The following CDC16 variants were observed in gnomAD, a reference collection of about 807,000 sequenced individuals.
The protein encoded by CDC16 is cell division cycle protein 16 homolog.
A neutral mutation model predicts 87.0 loss-of-function variants in CDC16; 34 were observed. The ratio of observed to expected loss-of-function variants is 0.39; its 90% confidence interval spans 0.30 to 0.52. The LOEUF is 0.52. CDC16 is among the 20% of genes least tolerant of loss of function. CDC16 has a pLI of 0.74. For missense variants in CDC16, 653 were observed against 751.9 expected, an observed-to-expected ratio of 0.87 and a Z score of 1.54; for synonymous variants, 263 against 260.6, an observed-to-expected ratio of 1.01 and a Z score of -0.09.
chr13:114,272,435 A>G lies in CDC16; in HGVS notation c.1855A>G (p.Ser619Gly), dbSNP rs749662044. 6.2e-7 allele frequency: 1 copy of G among 1,613,728 alleles called. No homozygotes were observed. The highest frequency in any genetic ancestry group is 1.3e-5 in the African/African-American group (1 of 75,050). Residue 619 changes from serine (S) to glycine (G), a missense_variant, in exon 18 of 18, where the codon AGC becomes GGC. Transcript: ENST00000356221. ...GTTAGAGACATCTATGTCAGACCAC[A>G]GCACGTGACTCCAGTCAGTGGTCCT... ...MMLETSMSDH[S>G]T
intron 4 of CDC16, 78 bp from the exon 5 acceptor site, chr13:114,239,272 T>C: frequency 6.5e-7 from 1 of 1,534,622 alleles, no homozygotes; most frequent in South Asian, 1.3e-5. Context: ...ATAGTATATG[T>C]TATCCTTTAA....
At chr13:114,237,735 C>G (rs2081325328) in intron 3 of CDC16, among the ~76,000 whole-genome samples, 1 of 152,148 alleles carries the variant, frequency 6.6e-6, no homozygotes. Context: ...TCTTCCTCCC[C>G]ACTCGTACGT....
At chr13:114,259,420 A>T in intron 14 of CDC16, 22 bp downstream of exon 14, 1 of 1,398,530 alleles carries the variant, frequency 7.2e-7, no homozygotes, top group Non-Finnish European at 9.8e-7. Context: ...AGTACCTGTA[A>T]ATATACACAT....
At chr13:114,270,414 AC>A (rs1414427393) in intron 17 of CDC16, among the ~76,000 whole-genome samples, 1 of 152,172 alleles carries the variant, frequency 6.6e-6, no homozygotes, top group African/African-American at 2.4e-5. Flanking sequence ...ACCAGGCCCC[AC>A]CTCCAACATT....
intron 8 of CDC16, 76 bp from the exon 9 acceptor site, chr13:114,244,814 G>T: frequency 1.2e-6 from 1 of 838,160 alleles, no homozygotes. Context: ...CATAATGACT[G>T]TCTACACATA....
At chr13:114,253,404 G>A (rs2082306101) in intron 12 of CDC16, among the ~76,000 whole-genome samples, 1 of 151,762 alleles carries the variant, frequency 6.6e-6, no homozygotes, top group Middle Eastern at 3.4e-3. Context: ...ATTTATTGAG[G>A]CTGGCCGGGC....
chr13:114,237,308 TG>T (rs1478036655), intron 3 of CDC16, among the ~76,000 whole-genome samples: 2 of 152,192 alleles, frequency 1.3e-5, no homozygotes, highest in Non-Finnish European at 2.9e-5. Flanking sequence ...TCTTTGTTTT[TG>T]TTTTTTTGAG....
chr13:114,259,246 A>C lies in CDC16; in HGVS notation c.1251-89A>C, dbSNP rs904062727. The C allele has an allele frequency of 3.1e-5, 23 of 736,602 alleles. 1 individual carries two copies. Among genetic ancestry groups the C allele is most frequent in the South Asian group, 1.6e-4 (9 of 56,076 alleles). 45.6% of individuals were successfully genotyped at this position (736,602 alleles called of 1,614,324 possible). A position where few individuals can be genotyped will look rare whatever the true frequency, so the allele number is the denominator to read the frequency against. Reference sequence around the variant, plus strand: ...CCAGCAGTTTACCCCATTGCATTTTAGTACTACTAGAAAGGTAATCAAAAA... The same window carrying C: ...CCAGCAGTTTACCCCATTGCATTTTCGTACTACTAGAAAGGTAATCAAAAA... On this transcript the variant is annotated intron_variant, in intron 13 of 17. Coordinates refer to ENST00000356221, the MANE Select transcript of CDC16 (RefSeq NM_001078645.3).
At position 114,235,124 on chromosome 13, in the gene CDC16, C is replaced by G. The variant is rs1207363594; in HGVS notation, c.40C>G (p.Leu14Val). ...GCTGCGGAAGCGCGTCCGGCAGTAC[C>G]TCGACCAGGTGGGCGGCCCCGACTC... ...ERLRKRVRQY[L>V]DQQQYQSALF... The change falls in exon 1 of 18, where the codon CTC becomes GTC. Residue 14 changes from leucine to valine, a missense_variant. Coordinates refer to ENST00000356221, the MANE Select transcript of CDC16 (RefSeq NM_001078645.3). 1.6e-6 allele frequency: 2 copies of G among 1,244,912 alleles called. No individual in the cohort carries two copies. The highest frequency in any genetic ancestry group is 3.1e-5 in the East Asian group (1 of 31,826). 77.1% of individuals were successfully genotyped at this position (1,244,912 alleles called of 1,614,324 possible).
intron 11 of CDC16, among the ~76,000 whole-genome samples, chr13:114,248,314 A>G (rs904245109): frequency 6.6e-5 from 10 of 152,244 alleles, no homozygotes; most frequent in African/African-American, 1.9e-4. Flanking sequence ...TTTGAATTCT[A>G]ATCCAAGTTC....
At chr13:114,242,938 A>G (rs2081630116) in intron 6 of CDC16, among the ~76,000 whole-genome samples, 1 of 152,102 alleles carries the variant, frequency 6.6e-6, no homozygotes. Flanking sequence ...CCTGCTTAGC[A>G]CCTGCAGTAC....
At chr13:114,271,539 A>G (rs1448858326) in intron 17 of CDC16, among the ~76,000 whole-genome samples, 4 of 151,988 alleles carry the variant, frequency 2.6e-5, no homozygotes, top group Non-Finnish European at 5.9e-5. Context: ...CAGTGGCACT[A>G]TCTCGGCTCA....
At chr13:114,244,608 C>T (rs886492439) in intron 8 of CDC16, 24 of 250,932 alleles carry the variant, frequency 9.6e-5, no homozygotes, top group Admixed American at 2.7e-4. Flanking sequence ...TTTAAATAAG[C>T]GGCCTACTTA....
In CDC16 at chr13:114,239,327, C is replaced by T. The variant is rs17291062; in HGVS notation, c.241-23C>T. 0.01 allele frequency: 16,360 copies of T among 1,579,404 alleles called. 828 individuals are homozygous for T. The Admixed American group carries it at 0.14, about 13-fold the overall frequency. ...CGTGTTAGAAGTCGTGAGTGATGAG[C>T]GGCACTTCTGTTTTCCACGTAGTAT... On this transcript the variant is annotated intron_variant, in intron 4 of 17. Transcript: ENST00000356221.
At chr13:114,235,299 A>C (rs1409661298) in intron 1 of CDC16, among the ~76,000 whole-genome samples, 167 bp downstream of exon 1, 1 of 151,564 alleles carries the variant, frequency 6.6e-6, no homozygotes, top group East Asian at 2.0e-4. Flanking sequence ...CCCAGAAGGG[A>C]GCGGTCCCTG....
At chr13:114,248,654 C>G (rs900818684) in intron 11 of CDC16, among the ~76,000 whole-genome samples, 1 of 151,732 alleles carries the variant, frequency 6.6e-6, no homozygotes, top group Non-Finnish European at 1.5e-5. Flanking sequence ...GCACTCCAGC[C>G]TCGCCGACAG....
At chr13:114,247,407 G>A (rs1447809507) in intron 11 of CDC16, among the ~76,000 whole-genome samples, 2 of 150,990 alleles carry the variant, frequency 1.3e-5, no homozygotes, top group African/African-American at 2.4e-5. Context: ...GCCTCAAGCA[G>A]TCCTCTTGCT....
chr13:114,247,873 T>C (rs1048459974), intron 11 of CDC16, among the ~76,000 whole-genome samples: 4 of 151,312 alleles, frequency 2.6e-5, no homozygotes, highest in African/African-American at 9.8e-5. Flanking sequence ...CAAAACTCTG[T>C]CTCAAAAAAA....
chr13:114,265,861 G>A (rs574110740), intron 17 of CDC16, among the ~76,000 whole-genome samples: 1 of 152,004 alleles, frequency 6.6e-6, no homozygotes, highest in Admixed American at 6.5e-5. Context: ...TGTTGCCCAG[G>A]CTGGAGTGCA....
Sources: gnomAD v4.1 joint callset for allele counts (sites outside exome capture counted in the v4.1 genomes callset) on GRCh38, gnomAD v4.1.1 for gene constraint, MANE v1.5 for transcripts, NCBI Gene and HGNC (gene_info 2026-07-23, HGNC 2026-07-21) for gene names.